NCKAP5: variants seen among roughly 807,000 people sequenced by gnomAD.
NCKAP5 encodes NCK associated protein 5, also known as nck-associated protein 5.
NCKAP5 carries 92 observed loss-of-function variants against 167.0 expected under a neutral mutation model. That is an observed-to-expected ratio of 0.55 (90% confidence interval 0.47 to 0.66). The LOEUF (loss-of-function observed/expected upper bound fraction) is 0.66, where lower values mean the gene tolerates loss of function less well. Among genes scored for constraint, NCKAP5 ranks in the 30% least tolerant of loss-of-function variants. NCKAP5 has a pLI of 0.00. For synonymous variants in NCKAP5, 891 were observed against 877.4 expected (o/e 1.02, Z -0.27); for missense variants, 2,378 against 2,315.0 (o/e 1.03, Z -0.56).
At chr2:132,922,988 C>A (rs924860017) in intron 8 of NCKAP5, among the ~76,000 whole-genome samples, 1 of 152,242 alleles carries the variant, frequency 6.6e-6, no homozygotes. Flanking sequence ...AAAATCAACA[C>A]AACTGCATCT....
At chr2:132,677,939 T>C (rs1009455308) in intron 19 of NCKAP5, among the ~76,000 whole-genome samples, 1 of 152,176 alleles carries the variant, frequency 6.6e-6, no homozygotes, top group African/African-American at 2.4e-5. Flanking sequence ...TTCACACAGA[T>C]TCAAATCCAA....
intron 4 of NCKAP5, among the ~76,000 whole-genome samples, chr2:133,285,423 G>GGCA (rs34463016): frequency 0.1 from 15,688 of 152,146 alleles, 1,077 homozygotes; most frequent in Middle Eastern, 0.19. Flanking sequence ...AAAACTGCTT[G>GGCA]GCAATGGAAT....
intron 6 of NCKAP5, among the ~76,000 whole-genome samples, chr2:133,129,218 T>C (rs578245844): frequency 6.6e-6 from 1 of 152,058 alleles, no homozygotes; most frequent in South Asian, 2.1e-4. Context: ...TAGCATTAGG[T>C]ATATCTCCCA....
At chr2:132,776,664 A>G (rs1682578314) in intron 15 of NCKAP5, among the ~76,000 whole-genome samples, 1 of 152,180 alleles carries the variant, frequency 6.6e-6, no homozygotes, top group African/African-American at 2.4e-5. Flanking sequence ...AATTATCCAT[A>G]CAAATAGATT....
intron 16 of NCKAP5, among the ~76,000 whole-genome samples, chr2:132,766,917 A>G (rs1049585491): frequency 2.0e-5 from 3 of 152,214 alleles, no homozygotes; most frequent in Non-Finnish European, 4.4e-5. Context: ...AGATGGGCAC[A>G]TTACCACTGT....
At chr2:133,364,751 C>CT (rs112877317) in intron 3 of NCKAP5, among the ~76,000 whole-genome samples, 5,163 of 148,522 alleles carry the variant, frequency 0.035, 288 homozygotes, top group African/African-American at 0.12. Context: ...GTCATTGTGT[C>CT]TTTTTTTTTT....
intron 6 of NCKAP5, among the ~76,000 whole-genome samples, chr2:133,048,747 A>G (rs2079497253): frequency 6.6e-6 from 1 of 152,200 alleles, no homozygotes. Context: ...AATAACGACA[A>G]TTGTTATTAC....
At chr2:132,949,078 C>G (rs1243672351) in intron 8 of NCKAP5, among the ~76,000 whole-genome samples, 1 of 91,422 alleles carries the variant, frequency 1.1e-5, no homozygotes, top group Non-Finnish European at 2.0e-5. Context: ...GGACAAGACC[C>G]ACCCCCCACC....
chr2:133,655,271 A>C, the NCKAP5 span, among the ~76,000 whole-genome samples: 6 of 152,268 alleles, frequency 3.9e-5, no homozygotes, highest in East Asian at 9.7e-4. Context: ...CAGGGTAGAC[A>C]TTTTTCCTAG....
Position 132,876,299 on chromosome 2 carries a change from T to C in NCKAP5, c.648+2549A>G, listed in dbSNP as rs1294537029. Among the ~76,000 whole-genome samples, 4 of 152,264 alleles carry C rather than the reference T, an allele frequency of 2.6e-5. No homozygotes were observed. The East Asian group carries it at 7.7e-4, about 29-fold the overall frequency. On this transcript the variant is annotated intron_variant, in intron 9 of 19. Transcript: ENST00000409261. ...ATTTTGTAGAGACAGAGTCTCCCTG[T>C]GTTGCCCAGACCGGTCTTAAACTTC... is the stretch of plus-strand genomic sequence containing the variant.
chr2:133,047,244 T>G (rs994789646), intron 6 of NCKAP5, among the ~76,000 whole-genome samples: 1 of 152,216 alleles, frequency 6.6e-6, no homozygotes, highest in Non-Finnish European at 1.5e-5. Context: ...TTACAAACAA[T>G]GCTGTGTTAG....
chr2:133,386,642 G>T (rs1335136793), intron 3 of NCKAP5, among the ~76,000 whole-genome samples: 1 of 152,182 alleles, frequency 6.6e-6, no homozygotes, highest in Non-Finnish European at 1.5e-5. Context: ...AATGTTGACA[G>T]TGCGGTGTTA....
intron 4 of NCKAP5, among the ~76,000 whole-genome samples, chr2:133,281,187 G>T (rs753285753): frequency 6.6e-6 from 1 of 152,128 alleles, no homozygotes; most frequent in Non-Finnish European, 1.5e-5. Flanking sequence ...TTTATAGCCA[G>T]CAATAACTAC....
intron 5 of NCKAP5, among the ~76,000 whole-genome samples, chr2:133,184,020 G>A (rs1212576549): frequency 1.3e-5 from 2 of 151,590 alleles, no homozygotes; most frequent in Non-Finnish European, 2.9e-5. Flanking sequence ...TTTTTACATG[G>A]GCATATTGTG....
intron 19 of NCKAP5, among the ~76,000 whole-genome samples, chr2:132,690,578 A>T (rs747444028): frequency 6.6e-6 from 1 of 152,160 alleles, no homozygotes; most frequent in South Asian, 2.1e-4. Context: ...TGGTTTCTTT[A>T]TATGTTGTTT....
At chr2:132,720,748 C>G (rs1689835856) in intron 19 of NCKAP5, among the ~76,000 whole-genome samples, 2 of 152,140 alleles carry the variant, frequency 1.3e-5, no homozygotes, top group African/African-American at 4.8e-5. Flanking sequence ...AGTGGCTCAC[C>G]CTGTAATCCC....
intron 3 of NCKAP5, among the ~76,000 whole-genome samples, chr2:133,484,412 A>G (rs1680725845): frequency 6.6e-6 from 1 of 152,206 alleles, no homozygotes; most frequent in Non-Finnish European, 1.5e-5. Flanking sequence ...GGTGTTGCTC[A>G]CAAGCCGGCA....
intron 3 of NCKAP5, among the ~76,000 whole-genome samples, chr2:133,356,164 C>A (rs1350742781): frequency 6.6e-6 from 1 of 151,992 alleles, no homozygotes; most frequent in African/African-American, 2.4e-5. Flanking sequence ...TGGACTCAAG[C>A]AATCCAACCA....
chr2:132,869,858 C>G (rs148138764), intron 9 of NCKAP5, among the ~76,000 whole-genome samples: 1 of 152,170 alleles, frequency 6.6e-6, no homozygotes, highest in African/African-American at 2.4e-5. Context: ...TGTTATGGAG[C>G]TGTACTGTCT....
Sources: gnomAD v4.1 joint callset for allele counts (sites outside exome capture counted in the v4.1 genomes callset) on GRCh38, gnomAD v4.1.1 for gene constraint, MANE v1.5 for transcripts, NCBI Gene and HGNC (gene_info 2026-07-23, HGNC 2026-07-21) for gene names.